Variants in NXN observed in about 807,000 individuals in gnomAD.
NXN encodes the protein nucleoredoxin 1.
NXN carries 16 observed loss-of-function variants against 48.6 expected under a neutral mutation model. That is an observed-to-expected ratio of 0.33 (90% confidence interval 0.22 to 0.50). The LOEUF (loss-of-function observed/expected upper bound fraction) is 0.50, where lower values mean the gene tolerates loss of function less well. NXN is among the 20% of genes least tolerant of loss of function. NXN has a pLI of 0.98. For synonymous variants in NXN, 281 were observed against 269.6 expected (o/e 1.04, Z -0.41); for missense variants, 492 against 605.5 (o/e 0.81, Z 1.97).
chr17:840,343 C>CTT (rs112852369), intron 1 of NXN, among the ~76,000 whole-genome samples: 6,234 of 147,396 alleles, frequency 0.042, 243 homozygotes, highest in East Asian at 0.24. Flanking sequence ...GCAGAGACTT[C>CTT]TTTTTTTTTT....
chr17:813,322 G>T (rs992612463), intron 5 of NXN, among the ~76,000 whole-genome samples: 13 of 152,366 alleles, frequency 8.5e-5, no homozygotes, highest in African/African-American at 3.1e-4. Context: ...TCTAAGACTA[G>T]AGAGAAGCCA....
At chr17:814,526 G>A (rs902375644) in intron 5 of NXN, among the ~76,000 whole-genome samples, 1 of 152,220 alleles carries the variant, frequency 6.6e-6, no homozygotes, top group East Asian at 1.9e-4. Flanking sequence ...TAAGTGACAA[G>A]TGTCCGTCTT....
chr17:890,339 G>A (rs370184003), intron 1 of NXN, among the ~76,000 whole-genome samples: 27 of 151,940 alleles, frequency 1.8e-4, no homozygotes, highest in Middle Eastern at 3.2e-3. Context: ...AGCTCTTCCC[G>A]CTCCAGCCCA....
chr17:807,765 C>T (rs1008857123), intron 5 of NXN, among the ~76,000 whole-genome samples: 2 of 152,268 alleles, frequency 1.3e-5, no homozygotes, highest in African/African-American at 4.8e-5. Flanking sequence ...TCTGCTGTGC[C>T]AGGCTGCCTC....
At chr17:916,470 A>G (rs777499707) in intron 1 of NXN, among the ~76,000 whole-genome samples, 8 of 152,250 alleles carry the variant, frequency 5.3e-5, no homozygotes, top group Admixed American at 3.3e-4. Context: ...AAATAAATAT[A>G]AACACATTCC....
At chr17:901,342 C>T (rs1168380482) in intron 1 of NXN, among the ~76,000 whole-genome samples, 1 of 152,194 alleles carries the variant, frequency 6.6e-6, no homozygotes, top group Non-Finnish European at 1.5e-5. Context: ...CAGTATCTGG[C>T]ACAAAGGCAG....
chr17:858,669 C>T (rs2068011227), intron 1 of NXN, among the ~76,000 whole-genome samples: 1 of 151,106 alleles, frequency 6.6e-6, no homozygotes, highest in African/African-American at 2.4e-5. Context: ...GCGGAGGTTG[C>T]AGTGAGACAA....
intron 1 of NXN, among the ~76,000 whole-genome samples, chr17:922,835 T>C (rs2068761828): frequency 6.6e-6 from 1 of 151,912 alleles, no homozygotes; most frequent in Non-Finnish European, 1.5e-5. Flanking sequence ...GTATTTTTAG[T>C]AGAGACGGGG....
chr17:828,508 T>G (rs1382602543), intron 1 of NXN, among the ~76,000 whole-genome samples: 2 of 150,962 alleles, frequency 1.3e-5, no homozygotes, highest in Non-Finnish European at 2.9e-5. Flanking sequence ...TTCAAGCGAT[T>G]CTCTTGCCTC....
Position 803,700 on chromosome 17 carries a change from C to G in NXN, c.1107G>C (p.Leu369=). The change falls in exon 7 of 8, where the codon CTG becomes CTC. Residue 369 remains leucine, a synonymous_variant. Coordinates refer to ENST00000336868, the MANE Select transcript of NXN (RefSeq NM_022463.5). ...CACTCACCTCCCCGGCTACGAAGAACAGAAGGGGTGCCTCCTCCTCTTTGG... is the reference window on the plus strand; with the variant it reads ...CACTCACCTCCCCGGCTACGAAGAAGAGAAGGGGTGCCTCCTCCTCTTTGG... ...YKAKEEEAPL[L]FFVAGEDDMT... is the part of the protein sequence containing the mutation. 1.2e-6 allele frequency: 2 copies of G among 1,614,234 alleles called. No individual in the cohort carries two copies. Among genetic ancestry groups the G allele is most frequent in the Non-Finnish European group, 1.7e-6 (2 of 1,180,042 alleles).
rs183442140 is a variant in NXN at position 805,024 on chromosome 17, G to C, written c.1000+44C>G. On this transcript the variant is annotated intron_variant, in intron 6 of 7. Transcript: ENST00000336868. ...TCCCAAGTGAGGCCCCTCCTGTCCC[G>C]CCCCCCAGCCACCCCTCGCCCCCTG... 92,433 of 1,356,554 alleles carry C rather than the reference G, an allele frequency of 0.068. 2,581 individuals are homozygous for C. Among genetic ancestry groups the C allele is most frequent in the Admixed American group, 0.13 (6,156 of 48,882 alleles). 84.0% of individuals were successfully genotyped at this position (1,356,554 alleles called of 1,614,324 possible).
chr17:917,540 C>G lies in NXN; in HGVS notation c.360+61779G>C, dbSNP rs985376961. ...CCTCTTCCTTCTGGACCTGCTGTCCCACCCTACGCCCATTTTTTATCTCCA... is the reference window on the plus strand; with the variant it reads ...CCTCTTCCTTCTGGACCTGCTGTCCGACCCTACGCCCATTTTTTATCTCCA... On this transcript the variant is annotated intron_variant, in intron 1 of 7. Transcript: ENST00000336868. This position sits in a 1 kb window ranked among gnomAD's most constrained non-coding sequence, Gnocchi z 4.5. Among the ~76,000 whole-genome samples, 1 of 152,248 alleles carries G rather than the reference C, an allele frequency of 6.6e-6. No homozygotes were observed. The highest frequency in any genetic ancestry group is 1.5e-5 in the Non-Finnish European group (1 of 68,042).
chr17:818,282 G>C (rs886118416), intron 5 of NXN, among the ~76,000 whole-genome samples: 7 of 151,886 alleles, frequency 4.6e-5, no homozygotes, highest in Non-Finnish European at 1.0e-4. Flanking sequence ...TATAATTTCT[G>C]AAAAACACCA....
At chr17:897,298 C>T (rs538430960) in intron 1 of NXN, among the ~76,000 whole-genome samples, 12 of 152,316 alleles carry the variant, frequency 7.9e-5, no homozygotes, top group Admixed American at 2.0e-4. Flanking sequence ...ACAGCAGAGA[C>T]GTGTGGCTTT....
intron 1 of NXN, among the ~76,000 whole-genome samples, chr17:975,505 AG>A (rs2069447820): frequency 6.6e-6 from 1 of 152,148 alleles, no homozygotes; most frequent in Non-Finnish European, 1.5e-5. Context: ...GAGCAGCCAG[AG>A]TGAGACTCCA....
rs1375262672 is a variant in NXN at position 835,221 on chromosome 17, T to A, written c.361-9143A>T. On this transcript the variant is annotated intron_variant, in intron 1 of 7. Coordinates refer to ENST00000336868, the MANE Select transcript of NXN (RefSeq NM_022463.5). ...TACTCGGGAGGCTGAGGCAGGAGAA[T>A]GGCGTGAACCCAGGAGGCGGAGCTT... Among the ~76,000 whole-genome samples the A allele has an allele frequency of 2.0e-5, 3 of 148,756 alleles. No homozygotes were observed. In the Admixed American group the frequency reaches 2.0e-4, roughly 10 times the overall value.
chr17:832,951 C>T (rs191494666), intron 1 of NXN, among the ~76,000 whole-genome samples: 70 of 152,238 alleles, frequency 4.6e-4, no homozygotes, highest in African/African-American at 1.1e-3. Flanking sequence ...AGTGCAGTGG[C>T]GCGATCTCAG....
chr17:833,867 T>C (rs1913635320), intron 1 of NXN, among the ~76,000 whole-genome samples: 1 of 152,036 alleles, frequency 6.6e-6, no homozygotes, highest in African/African-American at 2.4e-5. Flanking sequence ...AAGATGACGT[T>C]AACAGTGAAG....
At chr17:924,851 G>A (rs147708225) in intron 1 of NXN, among the ~76,000 whole-genome samples, 187 of 152,354 alleles carry the variant, frequency 1.2e-3, no homozygotes, top group Non-Finnish European at 2.2e-3. Flanking sequence ...TTTCATCTGC[G>A]AAACTCCCAT....
Sources: allele counts gnomAD v4.1 joint callset (sites outside exome capture counted in the v4.1 genomes callset), GRCh38; gene constraint gnomAD v4.1.1; non-coding constraint Gnocchi (gnomAD v3.1); transcripts MANE v1.5; gene names NCBI Gene and HGNC (gene_info 2026-07-23, HGNC 2026-07-21).